Variants in CENPC observed in about 807,000 individuals in gnomAD.
The protein encoded by CENPC is centromere protein C.
A neutral mutation model predicts 112.1 loss-of-function variants in CENPC; 63 were observed. The observed-to-expected ratio is 0.56, with a 90% CI of 0.46 to 0.69. The LOEUF is 0.69. Among genes scored for constraint, CENPC ranks in the 30% least tolerant of loss-of-function variants. The probability of loss-of-function intolerance (pLI) is 0.00; values close to 1 mark genes in which losing one functional copy is unlikely to be tolerated. For missense variants in CENPC, 1,000 were observed against 1,103.8 expected, an observed-to-expected ratio of 0.91 and a Z score of 1.33; for synonymous variants, 333 against 367.6, an observed-to-expected ratio of 0.91 and a Z score of 1.08.
chr4:67,500,702 CATA>C (rs1362466444), intron 12 of CENPC, among the ~76,000 whole-genome samples: 3 of 151,990 alleles, frequency 2.0e-5, no homozygotes, highest in African/African-American at 4.8e-5. Flanking sequence ...AGTAGTAGTC[CATA>C]CTGATATAAA....
At chr4:67,495,988 T>C (rs1725421722) in intron 12 of CENPC, among the ~76,000 whole-genome samples, 1 of 152,182 alleles carries the variant, frequency 6.6e-6, no homozygotes, top group Non-Finnish European at 1.5e-5. Flanking sequence ...TAACTAATAG[T>C]ATGCAACAGA....
chr4:67,531,429 GCTA>G (rs1726545329), intron 4 of CENPC, among the ~76,000 whole-genome samples: 1 of 152,156 alleles, frequency 6.6e-6, no homozygotes, highest in Admixed American at 6.5e-5. Flanking sequence ...AGCTTACAGG[GCTA>G]CCCCTTGGTT....
intron 5 of CENPC, among the ~76,000 whole-genome samples, chr4:67,521,881 T>C (rs1296404154): frequency 3.3e-5 from 5 of 152,314 alleles, no homozygotes; most frequent in African/African-American, 1.2e-4. Flanking sequence ...ATAAATTTTC[T>C]GTCTGAAATT....
In CENPC at chr4:67,514,113, C is replaced by T; in HGVS notation, c.1405G>A (p.Gly469Arg). ...DRNMEEHEEMGNDCVSKKQMP... is the reference protein window; with the variant it reads ...DRNMEEHEEMRNDCVSKKQMP... ...TGTTTTTTGGAAACACAATCATTTC[C>T]CATCTCTTCATGCTCTTCCATATTT... is the stretch of plus-strand genomic sequence containing the variant. The change falls in exon 8 of 19, where the codon GGA (glycine) becomes AGA (arginine). Residue 469 changes from glycine to arginine, a missense_variant. Transcript: ENST00000273853. The T allele has an allele frequency of 4.4e-6, 7 of 1,604,602 alleles. No homozygotes were observed. Among genetic ancestry groups the T allele is most frequent in the Non-Finnish European group, 5.9e-6 (7 of 1,176,912 alleles).
intron 9 of CENPC, chr4:67,510,632 T>C: frequency 5.5e-6 from 1 of 180,334 alleles, no homozygotes. Context: ...TTTTTCACCC[T>C]AGTGTCTCAT....
intron 15 of CENPC, 123 bp from the exon 16 acceptor site, chr4:67,492,398 T>G (rs979297053): frequency 1.8e-6 from 1 of 562,740 alleles, no homozygotes; most frequent in Non-Finnish European, 3.0e-6. Flanking sequence ...AGAAGTCTCT[T>G]CCTATTTATA....
rs144526971 is a variant in CENPC at position 67,529,580 on chromosome 4, C to T, written c.331+1235G>A. Among the ~76,000 whole-genome samples the T allele has an allele frequency of 6.0e-4, 92 of 152,250 alleles. 1 individual carries two copies. The East Asian group carries it at 0.016, about 26-fold the overall frequency. On this transcript the variant is annotated intron_variant, in intron 5 of 18. Coordinates refer to ENST00000273853, the MANE Select transcript of CENPC (RefSeq NM_001812.4). ...ACCTCAACTGATCCACCTGCCTCAG[C>T]CTCCCAAAGTGCTGGGATTACAGGC...
rs1726524042 is a variant in CENPC, at chr4:67,530,757, G to A, written c.331+58C>T. 2.4e-5 allele frequency: 19 copies of A among 805,968 alleles called. No individual in the cohort carries two copies. The South Asian group carries it at 3.3e-4, about 14-fold the overall frequency. 49.9% of individuals were successfully genotyped at this position (805,968 alleles called of 1,614,324 possible). On this transcript the variant is annotated intron_variant, in intron 5 of 18. Transcript: ENST00000273853. ...ACTCAAAGCAACACATGCACCATTA[G>A]CGTTTCTCATTTTTTAAATATATCC... is the stretch of plus-strand genomic sequence containing the variant.
chr4:67,523,055 T>C (rs1191842129), intron 5 of CENPC, among the ~76,000 whole-genome samples: 3 of 152,034 alleles, frequency 2.0e-5, no homozygotes, highest in Admixed American at 1.3e-4. Context: ...CTCACACTTA[T>C]AATCCCAGCC....
intron 4 of CENPC, among the ~76,000 whole-genome samples, chr4:67,533,523 C>T: frequency 6.6e-6 from 1 of 152,154 alleles, no homozygotes; most frequent in East Asian, 1.9e-4. Context: ...CTTAACATCT[C>T]ATTAAAGATT....
At chr4:67,523,462 G>A (rs1650813572) in intron 5 of CENPC, among the ~76,000 whole-genome samples, 1 of 152,174 alleles carries the variant, frequency 6.6e-6, no homozygotes, top group African/African-American at 2.4e-5. Flanking sequence ...TAAAAGATAA[G>A]TAAATGGATG....
At chr4:67,491,910 C>CTT (rs904493698) in intron 16 of CENPC, among the ~76,000 whole-genome samples, 25 of 152,144 alleles carry the variant, frequency 1.6e-4, no homozygotes, top group Non-Finnish European at 3.4e-4. Context: ...GGCCTAGACC[C>CTT]TGTTGGGGGA....
At chr4:67,514,793 T>G (rs879586087) in intron 7 of CENPC, 106 bp from the exon 8 acceptor site, 1 of 1,112,678 alleles carries the variant, frequency 9.0e-7, no homozygotes, top group Non-Finnish European at 1.2e-6. Flanking sequence ...TTTAAACTGT[T>G]TATATATCTC....
intron 8 of CENPC, among the ~76,000 whole-genome samples, 192 bp downstream of exon 8, chr4:67,513,882 T>A (rs542235576): frequency 1.3e-5 from 2 of 152,194 alleles, no homozygotes; most frequent in South Asian, 4.1e-4. Flanking sequence ...TCTCACAAGA[T>A]AAACAAAAAC....
At chr4:67,511,548 A>C (rs1394441066) in intron 9 of CENPC, among the ~76,000 whole-genome samples, 1 of 152,204 alleles carries the variant, frequency 6.6e-6, no homozygotes, top group Non-Finnish European at 1.5e-5. Flanking sequence ...TTAGCCCTGT[A>C]AACTTAAATT....
At chr4:67,476,786 C>G (rs1724816658) in intron 17 of CENPC, among the ~76,000 whole-genome samples, 1 of 152,180 alleles carries the variant, frequency 6.6e-6, no homozygotes, top group Non-Finnish European at 1.5e-5. Flanking sequence ...CGCAAAATGT[C>G]AGTCCTGCTC....
chr4:67,520,512 C>G (rs1174093382), intron 5 of CENPC, among the ~76,000 whole-genome samples: 1 of 152,054 alleles, frequency 6.6e-6, no homozygotes, highest in African/African-American at 2.4e-5. Context: ...GTCCTCCACC[C>G]AATGATATAA....
intron 9 of CENPC, among the ~76,000 whole-genome samples, chr4:67,511,363 A>G (rs144905139): frequency 6.5e-4 from 99 of 152,300 alleles, no homozygotes; most frequent in African/African-American, 2.3e-3. Flanking sequence ...TAAATGCCCC[A>G]AAGTCAATAG....
At chr4:67,517,699 G>A (rs181806432) in intron 7 of CENPC, among the ~76,000 whole-genome samples, 81 of 152,012 alleles carry the variant, frequency 5.3e-4, no homozygotes, top group Admixed American at 4.0e-3. Flanking sequence ...TTAGACAGGC[G>A]TGGTGGCAGG....
Sources: gnomAD v4.1 joint callset for allele counts (sites outside exome capture counted in the v4.1 genomes callset) on GRCh38, gnomAD v4.1.1 for gene constraint, MANE v1.5 for transcripts, NCBI Gene and HGNC (gene_info 2026-07-23, HGNC 2026-07-21) for gene names.